Variants in MYO3A observed in about 807,000 individuals in gnomAD.
MYO3A encodes myosin IIIA.
Under a neutral mutation model 192.7 loss-of-function variants are expected in MYO3A, and 180 were observed. The observed-to-expected ratio is 0.93, with a 90% CI of 0.83 to 1.06. The LOEUF (loss-of-function observed/expected upper bound fraction) is 1.06, where lower values mean the gene tolerates loss of function less well. Among genes scored for constraint, MYO3A ranks in the 50% least tolerant of loss-of-function variants. The pLI, the probability that MYO3A is intolerant of heterozygous loss-of-function variation, is 0.00. For missense variants in MYO3A, 1,896 were observed against 1,905.0 expected, an observed-to-expected ratio of 1.00 and a Z score of 0.09; for synonymous variants, 628 against 645.3, an observed-to-expected ratio of 0.97 and a Z score of 0.41.
chr10:25,952,528 A>G (rs904297604), intron 3 of MYO3A, among the ~76,000 whole-genome samples: 13 of 152,122 alleles, frequency 8.5e-5, no homozygotes, highest in Non-Finnish European at 1.5e-4. Context: ...TCAACCGACG[A>G]TATTATTAAA....
chr10:26,145,127 C>T (rs190801979), intron 21 of MYO3A, among the ~76,000 whole-genome samples: 4,505 of 146,966 alleles, frequency 0.031, 203 homozygotes, highest in African/African-American at 0.11. Flanking sequence ...TGCAGTGAGC[C>T]AAGATCGCAC....
intron 10 of MYO3A, among the ~76,000 whole-genome samples, chr10:26,058,555 T>C (rs1834266660): frequency 6.6e-6 from 1 of 152,230 alleles, no homozygotes; most frequent in Non-Finnish European, 1.5e-5. Flanking sequence ...TGTCAAACTG[T>C]CTTCCAAACT....
At chr10:25,998,128 A>T (rs1408657814) in intron 6 of MYO3A, among the ~76,000 whole-genome samples, 2 of 152,194 alleles carry the variant, frequency 1.3e-5, no homozygotes, top group Non-Finnish European at 2.9e-5. Context: ...ACTTAGAAAT[A>T]TAGGTGGACA....
At chr10:26,164,825 T>C (rs747737682) in intron 26 of MYO3A, among the ~76,000 whole-genome samples, 1 of 152,130 alleles carries the variant, frequency 6.6e-6, no homozygotes, top group Non-Finnish European at 1.5e-5. Context: ...TGCGATGAAC[T>C]GTGAGACCCT....
intron 1 of MYO3A, among the ~76,000 whole-genome samples, 188 bp downstream of exon 1, chr10:25,934,516 CG>C (rs1835914016): frequency 6.6e-6 from 1 of 151,796 alleles, no homozygotes; most frequent in South Asian, 2.1e-4. Flanking sequence ...GTGTGTTTGT[CG>C]GGGCCTGGGG....
intron 3 of MYO3A, among the ~76,000 whole-genome samples, chr10:25,953,118 T>C (rs115179692): frequency 6.6e-6 from 1 of 151,866 alleles, no homozygotes; most frequent in Non-Finnish European, 1.5e-5. Flanking sequence ...ATTAACAGAC[T>C]CTTGCACACA....
At chr10:26,065,549 C>A (rs2131363587) in intron 10 of MYO3A, among the ~76,000 whole-genome samples, 1 of 123,622 alleles carries the variant, frequency 8.1e-6, no homozygotes, top group African/African-American at 3.2e-5. Context: ...CACGCCACAG[C>A]ATTCCAGCCT....
At chr10:26,037,651 A>T (rs775388048) in intron 10 of MYO3A, among the ~76,000 whole-genome samples, 2 of 152,162 alleles carry the variant, frequency 1.3e-5, no homozygotes, top group Non-Finnish European at 2.9e-5. Context: ...ACACTGCTCT[A>T]AAGAACTACC....
intron 31 of MYO3A, among the ~76,000 whole-genome samples, chr10:26,192,574 T>C (rs568209596): frequency 6.6e-6 from 1 of 152,220 alleles, no homozygotes; most frequent in Admixed American, 6.5e-5. Context: ...TCTGAACTGC[T>C]CTATTCAATT....
chr10:26,111,285 C>A (rs1164938249), intron 17 of MYO3A, among the ~76,000 whole-genome samples: 5 of 152,120 alleles, frequency 3.3e-5, no homozygotes, highest in Non-Finnish European at 7.4e-5. Flanking sequence ...TGGCCCCCAC[C>A]CAAAGACTAC....
At chr10:26,150,415 T>C (rs1840728429) in intron 23 of MYO3A, among the ~76,000 whole-genome samples, 1 of 152,212 alleles carries the variant, frequency 6.6e-6, no homozygotes, top group South Asian at 2.1e-4. Context: ...TATTTCTTCC[T>C]AAGTTGCTTT....
At chr10:26,100,502 G>A (rs1255855942) in intron 17 of MYO3A, among the ~76,000 whole-genome samples, 1 of 152,094 alleles carries the variant, frequency 6.6e-6, no homozygotes, top group African/African-American at 2.4e-5. Context: ...ATGTTAGGGT[G>A]TCAATTTTAG....
At chr10:26,182,895 C>T (rs1842677769) in intron 31 of MYO3A, among the ~76,000 whole-genome samples, 1 of 152,182 alleles carries the variant, frequency 6.6e-6, no homozygotes, top group Admixed American at 6.5e-5. Context: ...CATGTGCATT[C>T]GCATGTGCTT....
chr10:26,202,606 C>T, intron 33 of MYO3A: 1 of 267,526 alleles, frequency 3.7e-6, no homozygotes, highest in Non-Finnish European at 7.2e-6. Context: ...CAAAGGTGAG[C>T]TTTTCTGATA....
rs192533233 is a variant in MYO3A at position 25,943,076 on chromosome 10, A to G, written c.-18+7246A>G. On this transcript the variant is annotated intron_variant, in intron 2 of 34. Coordinates refer to ENST00000642920, the MANE Select transcript of MYO3A (RefSeq NM_017433.5). ...TTTCTTCTAAGTGTTTTATTATTTT[A>G]GCTCATATGTTTAAGTCTTTGATCT... Among the ~76,000 whole-genome samples, 2 of 151,918 alleles carry G rather than the reference A, an allele frequency of 1.3e-5. 1 individual carries two copies. The highest frequency in any genetic ancestry group is 3.9e-4 in the East Asian group (2 of 5,162).
chr10:26,028,482 A>G (rs76243397), intron 10 of MYO3A, among the ~76,000 whole-genome samples: 6,103 of 152,326 alleles, frequency 0.04, 156 homozygotes, highest in Middle Eastern at 0.061. Context: ...TGAGGAGATA[A>G]TCATGGGTCA....
chr10:25,994,080 G>A (rs1160157524), intron 4 of MYO3A, among the ~76,000 whole-genome samples: 1 of 152,100 alleles, frequency 6.6e-6, no homozygotes, highest in Non-Finnish European at 1.5e-5. Context: ...TTAACTTTCT[G>A]TCTCGTTGAT....
intron 6 of MYO3A, 136 bp from the exon 7 acceptor site, chr10:26,016,684 T>C: frequency 1.2e-6 from 1 of 816,996 alleles, no homozygotes; most frequent in Non-Finnish European, 2.0e-6. Flanking sequence ...TTAGGATCCT[T>C]TAATGTGACA....
rs183168285 is a variant in MYO3A at position 26,116,406 on chromosome 10, G to A, written c.1777-4270G>A. On this transcript the variant is annotated intron_variant, in intron 17 of 34. Coordinates refer to ENST00000642920, the MANE Select transcript of MYO3A (RefSeq NM_017433.5). ...TTTTCACATGGTGTTCTTTTAAACA[G>A]ACACCAGTATAGTAGATTAGGAATC... Among the ~76,000 whole-genome samples, 461 of 152,268 alleles carry A rather than the reference G, an allele frequency of 3.0e-3. 2 individuals carry two copies. The highest frequency in any genetic ancestry group is 0.01 in the African/African-American group (436 of 41,536).
Sources: allele counts gnomAD v4.1 joint callset (sites outside exome capture counted in the v4.1 genomes callset), GRCh38; gene constraint gnomAD v4.1.1; transcripts MANE v1.5; gene names NCBI Gene and HGNC (gene_info 2026-07-23, HGNC 2026-07-21).